The following SH3D19 variants were observed in gnomAD, a reference collection of about 807,000 sequenced individuals.
SH3D19 encodes SH3 domain containing 19.
Under a neutral mutation model 112.1 loss-of-function variants are expected in SH3D19, and 58 were observed. The observed-to-expected ratio is 0.52, with a 90% CI of 0.42 to 0.64. SH3D19 has a LOEUF of 0.64. Among genes scored for constraint, SH3D19 ranks in the 30% least tolerant of loss-of-function variants. The probability of loss-of-function intolerance (pLI) is 0.00; values close to 1 mark genes in which losing one functional copy is unlikely to be tolerated. For synonymous variants in SH3D19, 391 were observed against 448.5 expected (o/e 0.87, Z 1.62); for missense variants, 1,090 against 1,263.4 (o/e 0.86, Z 2.08).
At chr4:151,245,922 T>G (rs1316397988) in intron 1 of SH3D19, among the ~76,000 whole-genome samples, 3 of 152,034 alleles carry the variant, frequency 2.0e-5, no homozygotes, top group African/African-American at 7.3e-5. Flanking sequence ...AGTCTTTTAC[T>G]GGGACTTGAC....
intron 1 of SH3D19, among the ~76,000 whole-genome samples, chr4:151,250,217 AAAT>A (rs1561400297): frequency 6.6e-6 from 1 of 152,194 alleles, no homozygotes; most frequent in Non-Finnish European, 1.5e-5. Flanking sequence ...TAACAGCAAA[AAAT>A]AAAGAAAATC....
intron 19 of SH3D19, among the ~76,000 whole-genome samples, chr4:151,124,108 G>A (rs962270717): frequency 1.5e-5 from 1 of 67,952 alleles, no homozygotes; most frequent in African/African-American, 3.3e-5. Context: ...TGAGGGCTAG[G>A]ACTATTTTTT....
intron 1 of SH3D19, among the ~76,000 whole-genome samples, chr4:151,256,692 TTG>T (rs1771947592): frequency 1.2e-5 from 1 of 85,808 alleles, no homozygotes. Flanking sequence ...TTTTGTTTTG[TTG>T]TTTTTTTTTT....
rs772130284 is a variant in SH3D19, at chr4:151,283,200, G to A, written c.112+42041C>T. 1.4e-5 allele frequency: 22 copies of A among 1,613,666 alleles called. No homozygotes were observed. In the Admixed American group the frequency reaches 1.5e-4, roughly 11 times the overall value. The stretch of plus-strand genomic sequence containing the variant: ...TTGTGAACAGCTCTACAATCCCATC[G>A]GTATCTTCTTGCCAGCACTGGAGCC... On this transcript the variant is annotated intron_variant, in intron 1 of 19. Coordinates refer to ENST00000604030, the MANE Select transcript of SH3D19 (RefSeq NM_001378122.1).
rs138903995 is a variant in SH3D19, at chr4:151,123,129, C to T, written c.3028-922G>A. ...CCTCACAAAGTGTTGGGGTTACAGG[C>T]GTGAGCCACTGCCCCTGGCTGAGAT... On this transcript the variant is annotated intron_variant, in intron 19 of 19. Transcript: ENST00000604030. 3.9e-4 allele frequency among the ~76,000 whole-genome samples: 60 copies of T among 152,236 alleles called. 1 individual carries two copies. The East Asian group carries it at 9.8e-3, about 25-fold the overall frequency.
At chr4:151,179,078 TTACAATGCTTTACA>T (rs1760412225) in intron 4 of SH3D19, among the ~76,000 whole-genome samples, 1 of 152,230 alleles carries the variant, frequency 6.6e-6, no homozygotes, top group Non-Finnish European at 1.5e-5. Context: ...TCTGAAGCAG[TTACAATGCTTTACA>T]TGTAACAGCT....
rs906662096 is a variant in SH3D19 at position 151,200,217 on chromosome 4, CACATACATACAT to C, written c.153-12766_153-12755del. Among the ~76,000 whole-genome samples the C allele has an allele frequency of 2.0e-5, 3 of 151,840 alleles. No homozygotes were observed. In the East Asian group the frequency reaches 5.8e-4, roughly 29 times the overall value. On this transcript the variant is annotated intron_variant, in intron 2 of 19. Transcript: ENST00000604030. ...TGTTATAGCAGCCTGAATGGACTAACACATACATACATACATACACACATACATACATACACA... is the reference window on the plus strand; with the variant it reads ...TGTTATAGCAGCCTGAATGGACTAACACATACACACATACATACATACACA...
intron 2 of SH3D19, among the ~76,000 whole-genome samples, chr4:151,219,778 G>A (rs187835758): frequency 1.1e-3 from 172 of 152,162 alleles, no homozygotes; most frequent in African/African-American, 3.9e-3. Context: ...ACATGCTTCC[G>A]ATGTATTCAT....
intron 7 of SH3D19, among the ~76,000 whole-genome samples, 179 bp downstream of exon 7, chr4:151,174,491 G>C (rs972445453): frequency 1.3e-5 from 2 of 151,954 alleles, no homozygotes; most frequent in Non-Finnish European, 2.9e-5. Flanking sequence ...TCCCCACATA[G>C]CTCCCATGTT....
intron 1 of SH3D19, among the ~76,000 whole-genome samples, chr4:151,283,723 T>G (rs2150010692): frequency 6.6e-6 from 1 of 152,156 alleles, no homozygotes. Flanking sequence ...GAGGTCTCAC[T>G]ATGTTGCCCA....
At chr4:151,147,807 G>T (rs968268138) in intron 11 of SH3D19, 115 bp downstream of exon 11, 7 of 1,342,322 alleles carry the variant, frequency 5.2e-6, no homozygotes, top group South Asian at 1.5e-5. Context: ...AGCACTCTTG[G>T]CGTCAAGGGA....
At chr4:151,208,283 C>T (rs182129281) in intron 2 of SH3D19, among the ~76,000 whole-genome samples, 26 of 152,338 alleles carry the variant, frequency 1.7e-4, no homozygotes, top group Middle Eastern at 3.4e-3. Flanking sequence ...TTCCAGCCTG[C>T]CCTTCCTGAT....
At chr4:151,176,999 A>T in intron 4 of SH3D19, 44 bp from the exon 5 acceptor site, 1 of 1,230,402 alleles carries the variant, frequency 8.1e-7, no homozygotes, top group Non-Finnish European at 1.0e-6. Flanking sequence ...AATGGTAACA[A>T]GCTATTGTCT....
intron 1 of SH3D19, among the ~76,000 whole-genome samples, chr4:151,239,639 C>G (rs1410886168): frequency 2.6e-5 from 4 of 152,122 alleles, no homozygotes; most frequent in Non-Finnish European, 5.9e-5. Context: ...ACAAAGGATT[C>G]CCTTCTGTGG....
chr4:151,240,459 A>G (rs1339115458), intron 1 of SH3D19, among the ~76,000 whole-genome samples: 1 of 151,850 alleles, frequency 6.6e-6, no homozygotes, highest in Non-Finnish European at 1.5e-5. Flanking sequence ...CGTGTTTCAT[A>G]AGCAGAAGGT....
chr4:151,272,941 A>G (rs1410470156), intron 1 of SH3D19, among the ~76,000 whole-genome samples: 1 of 152,006 alleles, frequency 6.6e-6, no homozygotes, highest in Non-Finnish European at 1.5e-5. Context: ...CAATTATTAC[A>G]TGAGGGGCTG....
intron 1 of SH3D19, among the ~76,000 whole-genome samples, chr4:151,318,602 A>T (rs964270433): frequency 3.9e-5 from 6 of 152,228 alleles, no homozygotes; most frequent in Non-Finnish European, 7.3e-5. Flanking sequence ...ATATTTTATC[A>T]ATAATAAGAA....
At chr4:151,274,339 G>A (rs898569273) in intron 1 of SH3D19, among the ~76,000 whole-genome samples, 1 of 152,264 alleles carries the variant, frequency 6.6e-6, no homozygotes, top group East Asian at 1.9e-4. Context: ...CCTGGCATCT[G>A]CCCTGCCACA....
chr4:151,191,056 T>G (rs4434229), intron 2 of SH3D19, among the ~76,000 whole-genome samples: 126,640 of 152,188 alleles, frequency 0.83, 54,221 homozygotes, highest in Non-Finnish European at 0.95. Context: ...GGCGTCAAAG[T>G]AGATCGTTTT....
Sources: allele counts gnomAD v4.1 joint callset (sites outside exome capture counted in the v4.1 genomes callset), GRCh38; gene constraint gnomAD v4.1.1; transcripts MANE v1.5; gene names NCBI Gene and HGNC (gene_info 2026-07-23, HGNC 2026-07-21).